NUP98: variants seen among roughly 807,000 people sequenced by gnomAD.
The protein encoded by NUP98 is nucleoporin 98 and 96 precursor, also known as nuclear pore complex protein Nup98-Nup96.
A neutral mutation model predicts 191.9 loss-of-function variants in NUP98; 26 were observed. That is an observed-to-expected ratio of 0.14 (90% CI 0.10 to 0.19). The LOEUF (loss-of-function observed/expected upper bound fraction) is 0.19, where lower values mean the gene tolerates loss of function less well. Among genes scored for constraint, NUP98 ranks in the 10% least tolerant of loss-of-function variants. The probability of loss-of-function intolerance (pLI) is 1.00; values close to 1 mark genes in which losing one functional copy is unlikely to be tolerated. For synonymous variants in NUP98, 808 were observed against 778.4 expected (o/e 1.04, Z -0.63); for missense variants, 1,941 against 2,178.8 (o/e 0.89, Z 2.17).
intron 6 of NUP98, among the ~76,000 whole-genome samples, chr11:3,772,503 G>A (rs556438630): frequency 2.6e-5 from 4 of 152,066 alleles, no homozygotes; most frequent in Non-Finnish European, 4.4e-5. Context: ...CTATCTCAAT[G>A]TTCAAAGACA....
At chr11:3,738,101 A>C (rs2080141390) in intron 12 of NUP98, among the ~76,000 whole-genome samples, 2 of 150,700 alleles carry the variant, frequency 1.3e-5, no homozygotes, top group African/African-American at 4.8e-5. Context: ...AAAAAAAAAA[A>C]AAAAAACCAA....
intron 30 of NUP98, among the ~76,000 whole-genome samples, chr11:3,682,867 A>T (rs1312153583): frequency 6.6e-6 from 1 of 152,332 alleles, no homozygotes; most frequent in South Asian, 2.1e-4. Flanking sequence ...TCTCCAATGG[A>T]AAATGTGAAG....
intron 12 of NUP98, among the ~76,000 whole-genome samples, chr11:3,742,384 T>C (rs1005231914): frequency 6.6e-6 from 1 of 152,034 alleles, no homozygotes; most frequent in Non-Finnish European, 1.5e-5. Context: ...GGACAGAAAA[T>C]ATTATCAATT....
chr11:3,788,128 T>C (rs1475243042), intron 1 of NUP98, among the ~76,000 whole-genome samples: 3 of 152,234 alleles, frequency 2.0e-5, no homozygotes, highest in Non-Finnish European at 4.4e-5. Context: ...TCTGCTGCTC[T>C]GGGTAAAAAA....
chr11:3,773,780 T>TA, intron 5 of NUP98, 41 bp from the exon 6 acceptor site: 1 of 1,145,022 alleles, frequency 8.7e-7, no homozygotes, highest in Non-Finnish European at 1.3e-6. Context: ...GTCCAAGTTT[T>TA]ACATTCCTAC....
In NUP98 at chr11:3,720,827, T is replaced by C; in HGVS notation, c.2147-2A>G. On this transcript the variant is annotated splice_acceptor_variant, in intron 16 of 32. Transcript: ENST00000324932. LOFTEE classifies it high-confidence loss of function. Reference sequence around the variant, plus strand: ...AACCAACCTTAGTGAGAATAATACCTGTGACAAAAAAAAAAAAAAAAACAG... The same window carrying C: ...AACCAACCTTAGTGAGAATAATACCCGTGACAAAAAAAAAAAAAAAAACAG... 1 of 858,604 alleles carries C rather than the reference T, an allele frequency of 1.2e-6. No individual in the cohort carries two copies. Among genetic ancestry groups the C allele is most frequent in the Non-Finnish European group, 1.7e-6 (1 of 582,672 alleles). 53.2% of individuals were successfully genotyped at this position (858,604 alleles called of 1,614,324 possible).
At chr11:3,781,986 G>GTTC (rs1326207646) in intron 2 of NUP98, 56 bp downstream of exon 2, 1 of 1,180,636 alleles carries the variant, frequency 8.5e-7, no homozygotes, top group Non-Finnish European at 1.2e-6. Flanking sequence ...GAGTGGATTT[G>GTTC]TTCTTAGTAA....
In NUP98 at chr11:3,710,716, C is replaced by T. The variant is rs143606458; in HGVS notation, c.2742+1848G>A. 2.2e-3 allele frequency among the ~76,000 whole-genome samples: 336 copies of T among 152,294 alleles called. 3 individuals carry two copies. Among genetic ancestry groups the T allele is most frequent in the African/African-American group, 7.6e-3 (315 of 41,566 alleles). On this transcript the variant is annotated intron_variant, in intron 20 of 32. Transcript: ENST00000324932. ...TAGGGTCTTTGGTGCTAATAACAAA[C>T]CACTGGCATTTCCCATCAGCTTCAC...
chr11:3,759,269 A>G (rs546659701), intron 10 of NUP98, among the ~76,000 whole-genome samples: 128 of 152,278 alleles, frequency 8.4e-4, no homozygotes, highest in Non-Finnish European at 1.6e-3. Context: ...CAGATGCTGA[A>G]TTTTGAAAAC....
chr11:3,782,433 C>T (rs1452832091), intron 1 of NUP98, among the ~76,000 whole-genome samples: 2 of 151,128 alleles, frequency 1.3e-5, no homozygotes, highest in Admixed American at 6.6e-5. Context: ...TTTTTTTTAA[C>T]CTAAGTCCCC....
chr11:3,676,038 G>A lies in NUP98; in HGVS notation c.*121C>T. On this transcript the variant is annotated 3_prime_UTR_variant, in exon 33 of 33. Coordinates refer to ENST00000324932, the MANE Select transcript of NUP98 (RefSeq NM_016320.5). Reference sequence around the variant, plus strand: ...GTGGAGGATGCTGCTTCTGGCAGCAGGGAGGGAGGGTAGATGCCACAGCCA... The same window carrying A: ...GTGGAGGATGCTGCTTCTGGCAGCAAGGAGGGAGGGTAGATGCCACAGCCA... 1 of 850,018 alleles carries A rather than the reference G, an allele frequency of 1.2e-6. No homozygotes were observed. Among genetic ancestry groups the A allele is most frequent in the Non-Finnish European group, 1.9e-6 (1 of 536,104 alleles). The allele number at this position is 850,018 out of a possible 1,614,324, so 52.7% of individuals were successfully genotyped here. A position where few individuals can be genotyped will look rare whatever the true frequency, so the allele number is the denominator to read the frequency against.
chr11:3,675,781 A>G lies in NUP98; in HGVS notation c.*378T>C. The G allele has an allele frequency of 2.8e-6, 1 of 353,482 alleles. No individual in the cohort carries two copies. Among genetic ancestry groups the G allele is most frequent in the Non-Finnish European group, 5.2e-6 (1 of 191,042 alleles). The allele number at this position is 353,482 out of a possible 1,614,324, so 21.9% of individuals were successfully genotyped here. On this transcript the variant is annotated 3_prime_UTR_variant, in exon 33 of 33. Transcript: ENST00000324932. ...TCCTCCTAAGGAGTCCTAGTATAAAAGGGCCAGGGTAGGAGTAGGGAAGCT... is the reference window on the plus strand; with the variant it reads ...TCCTCCTAAGGAGTCCTAGTATAAAGGGGCCAGGGTAGGAGTAGGGAAGCT...
At chr11:3,705,556 T>C (rs950271893) in intron 21 of NUP98, among the ~76,000 whole-genome samples, 200 bp from the exon 22 acceptor site, 3 of 152,208 alleles carry the variant, frequency 2.0e-5, no homozygotes, top group Admixed American at 6.5e-5. Context: ...CTCTTCTTTG[T>C]ATCTATAGCG....
At chr11:3,700,893 GATT>G in intron 23 of NUP98, 54 bp from the exon 24 acceptor site, 1 of 1,215,042 alleles carries the variant, frequency 8.2e-7, no homozygotes, top group South Asian at 1.4e-5. Context: ...CAGAAGCTAG[GATT>G]TTTACTTCAA....
chr11:3,775,031 T>C (rs1446376229), intron 5 of NUP98, among the ~76,000 whole-genome samples: 1 of 152,070 alleles, frequency 6.6e-6, no homozygotes, highest in African/African-American at 2.4e-5. Flanking sequence ...CCCCAAACAT[T>C]TACATCAAGT....
intron 26 of NUP98, among the ~76,000 whole-genome samples, chr11:3,694,743 A>AT (rs2078447009): frequency 6.7e-6 from 1 of 149,216 alleles, no homozygotes; most frequent in African/African-American, 2.5e-5. Flanking sequence ...CTGTCTCAAG[A>AT]GAAAAAAAAA....
chr11:3,791,767 C>T (rs922136490), intron 1 of NUP98, among the ~76,000 whole-genome samples: 13 of 150,962 alleles, frequency 8.6e-5, no homozygotes, highest in African/African-American at 3.2e-4. Flanking sequence ...TGCTTGAACC[C>T]AGGAGGCGAG....
At position 3,727,210 on chromosome 11, in the gene NUP98, A is replaced by G. The variant is rs150943252; in HGVS notation, c.1731-1991T>C. Reference sequence around the variant, plus strand: ...GTTAGCTGAACACAGTTGTGCACACACACCTATAGTCCCACGTACTTGAGA... The same window carrying G: ...GTTAGCTGAACACAGTTGTGCACACGCACCTATAGTCCCACGTACTTGAGA... On this transcript the variant is annotated intron_variant, in intron 14 of 32. Coordinates refer to ENST00000324932, the MANE Select transcript of NUP98 (RefSeq NM_016320.5). Among the ~76,000 whole-genome samples, 574 of 152,266 alleles carry G rather than the reference A, an allele frequency of 3.8e-3. 1 individual carries two copies. The highest frequency in any genetic ancestry group is 0.013 in the African/African-American group (549 of 41,546).
chr11:3,716,873 GTGTT>G (rs2079203071), intron 18 of NUP98, among the ~76,000 whole-genome samples: 1 of 151,870 alleles, frequency 6.6e-6, no homozygotes, highest in Non-Finnish European at 1.5e-5. Context: ...TTTTTTGAGA[GTGTT>G]TGGCTATTTG....
Sources: gnomAD v4.1 joint callset for allele counts (sites outside exome capture counted in the v4.1 genomes callset) on GRCh38, gnomAD v4.1.1 for gene constraint, MANE v1.5 for transcripts, NCBI Gene and HGNC (gene_info 2026-07-23, HGNC 2026-07-21) for gene names.